CHD7: variants seen among roughly 807,000 people sequenced by gnomAD.
CHD7 encodes the protein ATP-dependent chromatin remodeler CHD7.
A neutral mutation model predicts 307.3 loss-of-function variants in CHD7; 24 were observed. The ratio of observed to expected loss-of-function variants is 0.08; its 90% confidence interval spans 0.06 to 0.11. The LOEUF is 0.11. Among genes scored for constraint, CHD7 ranks in the 10% least tolerant of loss-of-function variants. CHD7 has a pLI of 1.00. For synonymous variants in CHD7, 1,363 were observed against 1,349.9 expected (o/e 1.01, Z -0.21); for missense variants, 3,106 against 3,727.1 (o/e 0.83, Z 4.34).
chr8:60,712,650 C>T lies in CHD7; in HGVS notation c.-174-28609C>T, dbSNP rs1734801014. 3.3e-5 allele frequency among the ~76,000 whole-genome samples: 5 copies of T among 152,328 alleles called. No homozygotes were observed. In the South Asian group the frequency reaches 1.0e-3, roughly 32 times the overall value. On this transcript the variant is annotated intron_variant, in intron 1 of 37. Transcript: ENST00000423902. ...AAGGGAAGCTGGCCGGGTGCAGTGG[C>T]TCATGCCTGTAATGCCAGCACTTTG...
In CHD7 at chr8:60,822,765, T is replaced by C; in HGVS notation, c.3201+19T>C. On this transcript the variant is annotated intron_variant, in intron 12 of 37. Coordinates refer to ENST00000423902, the MANE Select transcript of CHD7 (RefSeq NM_017780.4). ...TCCCCAGGTAAACCTTCACAGGTTG[T>C]ATTCTTTGTACTTACTCTGTGCATT... is the stretch of plus-strand genomic sequence containing the variant. The C allele has an allele frequency of 1.3e-6, 2 of 1,594,334 alleles. No homozygotes were observed. Among genetic ancestry groups the C allele is most frequent in the Middle Eastern group, 1.7e-4 (1 of 5,960 alleles).
At chr8:60,831,440 A>T (rs947822838) in intron 15 of CHD7, among the ~76,000 whole-genome samples, 1 of 152,148 alleles carries the variant, frequency 6.6e-6, no homozygotes, top group Non-Finnish European at 1.5e-5. Flanking sequence ...TTCCCAAAGT[A>T]AAAGGCACAC....
chr8:60,807,417 C>T (rs955032840), intron 6 of CHD7, among the ~76,000 whole-genome samples: 4 of 152,060 alleles, frequency 2.6e-5, no homozygotes, highest in African/African-American at 7.2e-5. Context: ...AGCCTAAAAC[C>T]AAAAGGGGAA....
intron 2 of CHD7, among the ~76,000 whole-genome samples, chr8:60,752,561 A>G (rs1809691467): frequency 6.6e-6 from 1 of 152,158 alleles, no homozygotes. Context: ...TTTTCTGAAA[A>G]CTTTTTGTTT....
At chr8:60,769,152 A>G (rs1168254868) in intron 2 of CHD7, among the ~76,000 whole-genome samples, 1 of 152,198 alleles carries the variant, frequency 6.6e-6, no homozygotes, top group Non-Finnish European at 1.5e-5. Flanking sequence ...TTCCAAATAA[A>G]CTCATGTTTA....
At chr8:60,792,766 A>G (rs1033767083) in intron 3 of CHD7, among the ~76,000 whole-genome samples, 1 of 152,208 alleles carries the variant, frequency 6.6e-6, no homozygotes, top group East Asian at 1.9e-4. Flanking sequence ...AGCCCTCTAA[A>G]TTAAACCGTG....
At chr8:60,800,324 G>A (rs978356496) in intron 4 of CHD7, 64 bp from the exon 5 acceptor site, 88 of 1,544,728 alleles carry the variant, frequency 5.7e-5, no homozygotes, top group Non-Finnish European at 7.3e-5. Flanking sequence ...GAGCCACTGC[G>A]CTCGGCCACA....
chr8:60,790,819 G>T (rs1284323610), intron 3 of CHD7, among the ~76,000 whole-genome samples: 4 of 152,170 alleles, frequency 2.6e-5, no homozygotes, highest in African/African-American at 9.7e-5. Flanking sequence ...CAACTTTTGT[G>T]TATTTTATAT....
intron 32 of CHD7, chr8:60,855,333 A>C (rs1805652008): frequency 6.6e-6 from 1 of 152,470 alleles, no homozygotes; most frequent in Admixed American, 6.5e-5. Context: ...AGATCAGTCA[A>C]AGGTTATAGT....
chr8:60,708,024 T>C (rs1236027458), intron 1 of CHD7, among the ~76,000 whole-genome samples: 1 of 152,170 alleles, frequency 6.6e-6, no homozygotes, highest in African/African-American at 2.4e-5. Context: ...TTGTGCAGGA[T>C]TTAAAGAATC....
intron 1 of CHD7, among the ~76,000 whole-genome samples, chr8:60,715,725 A>G (rs1016934484): frequency 3.9e-5 from 6 of 152,102 alleles, no homozygotes; most frequent in Non-Finnish European, 7.4e-5. Context: ...TCCTTGGAGC[A>G]GGGTTTCTCC....
intron 13 of CHD7, 188 bp downstream of exon 13, chr8:60,824,204 G>A: frequency 1.8e-6 from 1 of 571,020 alleles, no homozygotes; most frequent in South Asian, 2.5e-5. Context: ...GTTGGCTAGT[G>A]TCTGTTAAAC....
chr8:60,751,416 T>G (rs1311738223), intron 2 of CHD7, among the ~76,000 whole-genome samples: 5 of 152,146 alleles, frequency 3.3e-5, no homozygotes, highest in Non-Finnish European at 5.9e-5. Flanking sequence ...GGAAGAAGAA[T>G]TGGGAAGTGG....
rs1805432982 is a variant in CHD7, at chr8:60,851,083, A to G, written c.5586A>G (p.Thr1862=). ...DEDPEYKPTR[T]PFKDEIDEFA... is the part of the protein sequence containing the mutation. ...ACCCAGAATATAAACCAACCAGAACACCGTTCAAAGATGAAATAGATGTAT... is the reference window on the plus strand; with the variant it reads ...ACCCAGAATATAAACCAACCAGAACGCCGTTCAAAGATGAAATAGATGTAT... The change falls in exon 27 of 38, where the codon ACA becomes ACG. Residue 1862 remains threonine (T), a synonymous_variant. Coordinates refer to ENST00000423902, the MANE Select transcript of CHD7 (RefSeq NM_017780.4). 3.8e-6 allele frequency: 6 copies of G among 1,572,686 alleles called. No homozygotes were observed. In the Middle Eastern group the frequency reaches 5.0e-4, roughly 131 times the overall value.
chr8:60,741,365 A>G lies in CHD7; in HGVS notation c.-68A>G, dbSNP rs2150577110. Reference sequence around the variant, plus strand: ...AGGATTATAGGCTTTGAGGGCAAACACCTCAGTGAAGTGAAGCACAGGCAA... The same window carrying G: ...AGGATTATAGGCTTTGAGGGCAAACGCCTCAGTGAAGTGAAGCACAGGCAA... On this transcript the variant is annotated 5_prime_UTR_variant, in exon 2 of 38. Coordinates refer to ENST00000423902, the MANE Select transcript of CHD7 (RefSeq NM_017780.4). The G allele has an allele frequency of 4.6e-6, 5 of 1,098,004 alleles. No homozygotes were observed. Among genetic ancestry groups the G allele is most frequent in the Non-Finnish European group, 6.6e-6 (5 of 760,622 alleles). The allele number at this position is 1,098,004 out of a possible 1,614,324, so 68.0% of individuals were successfully genotyped here.
intron 1 of CHD7, among the ~76,000 whole-genome samples, chr8:60,709,234 G>T (rs1807165289): frequency 1.3e-5 from 2 of 152,154 alleles, no homozygotes; most frequent in African/African-American, 4.8e-5. Flanking sequence ...AGGTGCATTT[G>T]TGTAGCTTGT....
intron 1 of CHD7, among the ~76,000 whole-genome samples, chr8:60,679,979 G>A (rs919513662): frequency 6.6e-6 from 1 of 151,884 alleles, no homozygotes; most frequent in Non-Finnish European, 1.5e-5. Context: ...AAAGGGAGCG[G>A]GGCCGGGGCG....
At chr8:60,750,909 C>G (rs985837314) in intron 2 of CHD7, among the ~76,000 whole-genome samples, 4 of 152,182 alleles carry the variant, frequency 2.6e-5, no homozygotes, top group African/African-American at 9.7e-5. Context: ...GTGTTACCCA[C>G]CTTTGCTGTA....
At chr8:60,854,293 C>T in intron 31 of CHD7, 70 bp from the exon 32 acceptor site, 5 of 1,384,212 alleles carry the variant, frequency 3.6e-6, no homozygotes, top group Middle Eastern at 2.2e-4. Flanking sequence ...CATTTTTAAT[C>T]ATGTCCTTTC....
Sources: allele counts gnomAD v4.1 joint callset (sites outside exome capture counted in the v4.1 genomes callset), GRCh38; gene constraint gnomAD v4.1.1; transcripts MANE v1.5; gene names NCBI Gene and HGNC (gene_info 2026-07-23, HGNC 2026-07-21).